Variants in FSHR observed in about 807,000 individuals in gnomAD.
FSHR encodes follicle stimulating hormone receptor, also known as follicle-stimulating hormone receptor.
FSHR carries 46 observed loss-of-function variants against 52.1 expected under a neutral mutation model. The observed-to-expected ratio is 0.88, with a 90% CI of 0.70 to 1.13. The LOEUF (loss-of-function observed/expected upper bound fraction) is 1.13, where lower values mean the gene tolerates loss of function less well. Ranked by LOEUF, FSHR falls within the 50% of genes most tolerant of loss-of-function variation. The probability of loss-of-function intolerance (pLI) is 0.00; values close to 1 mark genes in which losing one functional copy is unlikely to be tolerated. For missense variants in FSHR, 964 were observed against 834.6 expected, an observed-to-expected ratio of 1.16 and a Z score of -1.91; for synonymous variants, 399 against 309.6, an observed-to-expected ratio of 1.29 and a Z score of -3.03.
At chr2:49,097,425 T>C (rs1184093383) in intron 1 of FSHR, among the ~76,000 whole-genome samples, 1 of 152,206 alleles carries the variant, frequency 6.6e-6, no homozygotes, top group Non-Finnish European at 1.5e-5. Flanking sequence ...GCTTTTGTAT[T>C]TTTCAGTGCA....
At chr2:49,059,776 G>C (rs1669215307) in intron 2 of FSHR, 1 of 152,080 alleles carries the variant, frequency 6.6e-6, no homozygotes, top group Non-Finnish European at 1.5e-5. Context: ...AGAAAACATG[G>C]AGGAAGTGCT....
intron 2 of FSHR, among the ~76,000 whole-genome samples, chr2:49,027,172 T>G (rs1187105813): frequency 1.3e-5 from 2 of 152,184 alleles, no homozygotes; most frequent in African/African-American, 4.8e-5. Context: ...GATCTTAAAT[T>G]CTCTCAATTA....
At chr2:49,085,331 G>C (rs1050379900) in intron 1 of FSHR, among the ~76,000 whole-genome samples, 1 of 152,218 alleles carries the variant, frequency 6.6e-6, no homozygotes, top group African/African-American at 2.4e-5. Context: ...ATTAGGTATT[G>C]ATGGGACGTA....
intron 8 of FSHR, among the ~76,000 whole-genome samples, chr2:48,980,029 A>T (rs1675176546): frequency 6.6e-6 from 1 of 152,150 alleles, no homozygotes; most frequent in Non-Finnish European, 1.5e-5. Flanking sequence ...TGCAGAAGTG[A>T]GATGTGGAAT....
At chr2:49,024,537 C>T (rs1322925029) in intron 2 of FSHR, among the ~76,000 whole-genome samples, 12 of 151,802 alleles carry the variant, frequency 7.9e-5, no homozygotes, top group Non-Finnish European at 1.8e-4. Flanking sequence ...TGCCTAAACT[C>T]CAGATTTTGG....
intron 1 of FSHR, among the ~76,000 whole-genome samples, chr2:49,120,621 T>C (rs1009006874): frequency 2.6e-5 from 4 of 152,212 alleles, no homozygotes; most frequent in African/African-American, 9.6e-5. Flanking sequence ...TGTGCTCTAG[T>C]TGAAATAGGG....
intron 2 of FSHR, among the ~76,000 whole-genome samples, chr2:49,052,767 A>G (rs1668916922): frequency 6.6e-6 from 1 of 152,280 alleles, no homozygotes; most frequent in South Asian, 2.1e-4. Context: ...TTTGACCATT[A>G]ACTCTCAGAA....
intron 2 of FSHR, among the ~76,000 whole-genome samples, chr2:49,044,654 C>G (rs1464047482): frequency 2.6e-5 from 4 of 152,082 alleles, no homozygotes; most frequent in African/African-American, 9.7e-5. Flanking sequence ...TCCCCCATCC[C>G]CCTCCCCCAG....
chr2:48,979,808 TG>T (rs1559091757), intron 8 of FSHR, among the ~76,000 whole-genome samples: 2,861 of 149,932 alleles, frequency 0.019, 71 homozygotes, highest in African/African-American at 0.063. Flanking sequence ...ACAGTCTTTG[TG>T]TGTGTGTGTG....
At chr2:49,145,458 G>T (rs1271342442) in intron 1 of FSHR, among the ~76,000 whole-genome samples, 1 of 151,990 alleles carries the variant, frequency 6.6e-6, no homozygotes, top group East Asian at 1.9e-4. Context: ...ATCATCCCAC[G>T]GTGGTCAAGA....
chr2:49,076,711 G>A lies in FSHR; in HGVS notation c.153-8421C>T, dbSNP rs191703662. On this transcript the variant is annotated intron_variant, in intron 1 of 9. Coordinates refer to ENST00000406846, the MANE Select transcript of FSHR (RefSeq NM_000145.4). ...TGCCTATGAGCCTGTAGAATCAAAA[G>A]CATGTTAGTTACTACCTAGATACAA... is the stretch of plus-strand genomic sequence containing the variant. 1.5e-3 allele frequency among the ~76,000 whole-genome samples: 226 copies of A among 152,302 alleles called. 1 individual carries two copies. The highest frequency in any genetic ancestry group is 5.1e-3 in the African/African-American group (214 of 41,554).
intron 1 of FSHR, among the ~76,000 whole-genome samples, chr2:49,121,001 G>T (rs925403771): frequency 6.6e-6 from 1 of 152,234 alleles, no homozygotes; most frequent in Non-Finnish European, 1.5e-5. Context: ...TAGAAGTCCT[G>T]TAGAGACTTT....
intron 1 of FSHR, among the ~76,000 whole-genome samples, chr2:49,070,484 T>C (rs1383174496): frequency 1.3e-5 from 2 of 152,074 alleles, no homozygotes; most frequent in African/African-American, 4.8e-5. Flanking sequence ...ATGATGAAAA[T>C]AAACCAATAA....
chr2:49,140,204 G>A (rs1393973679), intron 1 of FSHR, among the ~76,000 whole-genome samples: 2 of 152,066 alleles, frequency 1.3e-5, no homozygotes, highest in Non-Finnish European at 2.9e-5. Context: ...GGGTCATGGG[G>A]GTGGATCCCT....
chr2:49,135,091 G>A (rs543370065), intron 1 of FSHR, among the ~76,000 whole-genome samples: 1 of 152,134 alleles, frequency 6.6e-6, no homozygotes, highest in Admixed American at 6.5e-5. Context: ...TAAAAGACTT[G>A]AGCAATGTTA....
chr2:49,140,643 T>A (rs1558464057), intron 1 of FSHR, among the ~76,000 whole-genome samples: 1 of 151,394 alleles, frequency 6.6e-6, no homozygotes. Flanking sequence ...GAGGTTGCAG[T>A]GAGCTGAGAT....
intron 1 of FSHR, among the ~76,000 whole-genome samples, chr2:49,098,157 G>T (rs920169664): frequency 6.6e-6 from 1 of 152,102 alleles, no homozygotes; most frequent in African/African-American, 2.4e-5. Context: ...AATGATTCCT[G>T]ATTGGTTTGA....
At chr2:49,098,783 TTATAA>T (rs1463349758) in intron 1 of FSHR, among the ~76,000 whole-genome samples, 27 of 147,106 alleles carry the variant, frequency 1.8e-4, no homozygotes, top group Non-Finnish European at 3.6e-4. Context: ...TATTATATAC[TTATAA>T]TAATATATAT....
chr2:49,018,039 A>G (rs1205964001), intron 3 of FSHR, among the ~76,000 whole-genome samples: 1 of 152,212 alleles, frequency 6.6e-6, no homozygotes, highest in Non-Finnish European at 1.5e-5. Context: ...AAAGAAGATA[A>G]GGAAGGAAAA....
Sources: gnomAD v4.1 joint callset for allele counts (sites outside exome capture counted in the v4.1 genomes callset) on GRCh38, gnomAD v4.1.1 for gene constraint, MANE v1.5 for transcripts, NCBI Gene and HGNC (gene_info 2026-07-23, HGNC 2026-07-21) for gene names.